Variants in PCED1B observed in about 807,000 individuals in gnomAD.
The protein encoded by PCED1B is PC-esterase domain-containing protein 1B.
For missense variants in PCED1B, 573 were observed against 573.9 expected (o/e 1.00, Z 0.02); for synonymous variants, 251 against 246.1 (o/e 1.02, Z -0.19).
At chr12:47,082,598 C>T (rs1461081185) in intron 1 of PCED1B, among the ~76,000 whole-genome samples, 1 of 152,176 alleles carries the variant, frequency 6.6e-6, no homozygotes, top group African/African-American at 2.4e-5. Flanking sequence ...TAAATATGTA[C>T]TGAGCCTTTA....
At chr12:47,165,280 A>G (rs1326490716) in intron 2 of PCED1B, among the ~76,000 whole-genome samples, 1 of 152,228 alleles carries the variant, frequency 6.6e-6, no homozygotes, top group Admixed American at 6.5e-5. Flanking sequence ...ATTTCCCTAT[A>G]GCAAATTATT....
chr12:47,191,479 C>T (rs1942436749), intron 2 of PCED1B, among the ~76,000 whole-genome samples: 1 of 152,214 alleles, frequency 6.6e-6, no homozygotes, highest in African/African-American at 2.4e-5. Flanking sequence ...TGACCCTCCC[C>T]AGGCAAACGT....
chr12:47,129,833 A>G (rs952891372), intron 2 of PCED1B, among the ~76,000 whole-genome samples: 4 of 152,224 alleles, frequency 2.6e-5, no homozygotes, highest in African/African-American at 9.6e-5. Flanking sequence ...CCTAGTAGGC[A>G]TCTGTCCATT....
At chr12:47,124,436 G>GTT (rs1939804180) in intron 2 of PCED1B, among the ~76,000 whole-genome samples, 1 of 149,148 alleles carries the variant, frequency 6.7e-6, no homozygotes, top group South Asian at 2.1e-4. Flanking sequence ...AAGCATTTGT[G>GTT]TTTTTCTGTT....
chr12:47,095,732 C>G (rs915980289), intron 1 of PCED1B, among the ~76,000 whole-genome samples: 3 of 152,146 alleles, frequency 2.0e-5, no homozygotes, highest in African/African-American at 4.8e-5. Context: ...AATATTTTTT[C>G]AGTGTTTAGA....
intron 2 of PCED1B, among the ~76,000 whole-genome samples, chr12:47,179,278 C>A (rs1211598711): frequency 6.6e-6 from 1 of 152,154 alleles, no homozygotes; most frequent in Non-Finnish European, 1.5e-5. Context: ...GCTTAAACTA[C>A]GGAGGTCTGT....
chr12:47,160,862 G>T (rs1592219787), intron 2 of PCED1B, among the ~76,000 whole-genome samples: 1 of 152,162 alleles, frequency 6.6e-6, no homozygotes, highest in South Asian at 2.1e-4. Flanking sequence ...CTCTGCCCTT[G>T]TGTGTGGTTC....
At chr12:47,191,404 C>T (rs530493475) in intron 2 of PCED1B, among the ~76,000 whole-genome samples, 2 of 152,270 alleles carry the variant, frequency 1.3e-5, no homozygotes, top group African/African-American at 2.4e-5. Flanking sequence ...TAATTCTATA[C>T]CCCAGTGTCA....
At chr12:47,081,803 C>A (rs114720920) in intron 1 of PCED1B, among the ~76,000 whole-genome samples, 1 of 151,892 alleles carries the variant, frequency 6.6e-6, no homozygotes, top group Non-Finnish European at 1.5e-5. Context: ...ACCATGAAGG[C>A]AGAAGAAAGA....
In PCED1B at chr12:47,235,504, C is replaced by T. The variant is rs1943949879; in HGVS notation, c.441C>T (p.Phe147=). The T allele has an allele frequency of 3.7e-6, 6 of 1,612,760 alleles. No homozygotes were observed. The South Asian group carries it at 6.6e-5, about 18-fold the overall frequency. ...ACCTGGAGAACCTGGAGAACCTGTT[C>T]CAGTGCCTGGGCCAGGTGCTGCCCG... ...RSYLENLENL[F]QCLGQVLPES... Residue 147 remains phenylalanine, a synonymous_variant, in exon 4 of 4, where the codon TTC becomes TTT. Transcript: ENST00000546455.
chr12:47,118,233 G>A (rs929468225), intron 2 of PCED1B, among the ~76,000 whole-genome samples: 2 of 152,158 alleles, frequency 1.3e-5, no homozygotes, highest in African/African-American at 4.8e-5. Context: ...TGTTGCCATT[G>A]CTTTTGGTGT....
chr12:47,113,107 A>G (rs1349392153), intron 2 of PCED1B, among the ~76,000 whole-genome samples: 1 of 152,194 alleles, frequency 6.6e-6, no homozygotes, highest in African/African-American at 2.4e-5. Context: ...TCATTCTGTA[A>G]AGCTGGGCAC....
In PCED1B at chr12:47,111,892, G is replaced by A. The variant is rs917515354; in HGVS notation, c.-526+7697G>A. On this transcript the variant is annotated intron_variant, in intron 2 of 3. Transcript: ENST00000546455. ...GATGTCATTTTGTACATCTTTGAAGGAATTCAGTATCATTCATGGATTATC... is the reference window on the plus strand; with the variant it reads ...GATGTCATTTTGTACATCTTTGAAGAAATTCAGTATCATTCATGGATTATC... 6.6e-5 allele frequency among the ~76,000 whole-genome samples: 10 copies of A among 152,086 alleles called. No individual in the cohort carries two copies. In the South Asian group the frequency reaches 1.0e-3, roughly 16 times the overall value.
intron 2 of PCED1B, among the ~76,000 whole-genome samples, chr12:47,185,803 AAAGACTGTATATT>A (rs1448490491): frequency 9.2e-5 from 14 of 152,136 alleles, no homozygotes; most frequent in Non-Finnish European, 1.8e-4. Flanking sequence ...AAAAAAAAAA[AAAGACTGTATATT>A]AGACTGACAA....
intron 1 of PCED1B, among the ~76,000 whole-genome samples, chr12:47,103,084 G>A (rs1185953091): frequency 1.3e-5 from 2 of 151,708 alleles, no homozygotes; most frequent in African/African-American, 4.8e-5. Flanking sequence ...ATGTACTGAA[G>A]CAAACCAAGA....
intron 1 of PCED1B, among the ~76,000 whole-genome samples, chr12:47,080,833 G>A (rs115958440): frequency 0.013 from 1,808 of 137,418 alleles, 44 homozygotes; most frequent in African/African-American, 0.046. Flanking sequence ...TTTCTCTTTC[G>A]TTCTCTCTCT....
intron 3 of PCED1B, among the ~76,000 whole-genome samples, chr12:47,222,128 A>C (rs1212094653): frequency 6.5e-4 from 97 of 149,362 alleles, no homozygotes; most frequent in Admixed American, 3.6e-3. Flanking sequence ...AAAAAAAAAA[A>C]AAAAAAAACG....
At chr12:47,160,498 G>A (rs959986847) in intron 2 of PCED1B, among the ~76,000 whole-genome samples, 2 of 151,240 alleles carry the variant, frequency 1.3e-5, no homozygotes, top group Non-Finnish European at 2.9e-5. Flanking sequence ...TGTAGAGATA[G>A]GGTCTTACTC....
At chr12:47,229,229 A>G (rs1482202177) in intron 3 of PCED1B, among the ~76,000 whole-genome samples, 1 of 152,008 alleles carries the variant, frequency 6.6e-6, no homozygotes, top group Non-Finnish European at 1.5e-5. Flanking sequence ...GCTGGCCAAC[A>G]TGGTGAAACC....
Sources: gnomAD v4.1 joint callset for allele counts (sites outside exome capture counted in the v4.1 genomes callset) on GRCh38, gnomAD v4.1.1 for gene constraint, MANE v1.5 for transcripts, NCBI Gene and HGNC (gene_info 2026-07-23, HGNC 2026-07-21) for gene names.